The following ELAVL2 variants were observed in gnomAD, a reference collection of about 807,000 sequenced individuals.
ELAVL2 encodes ELAV like RNA binding protein 2.
In ELAVL2, 4 loss-of-function variants were observed where a neutral mutation model predicts 34.6. The ratio of observed to expected loss-of-function variants is 0.12; its 90% CI spans 0.06 to 0.26. The LOEUF is 0.26. Among genes scored for constraint, ELAVL2 ranks in the 10% least tolerant of loss-of-function variants. The pLI is 1.00. For missense variants in ELAVL2, 432 were observed against 442.8 expected, an observed-to-expected ratio of 0.98 and a Z score of 0.22; for synonymous variants, 193 against 154.8, an observed-to-expected ratio of 1.25 and a Z score of -1.83.
At chr9:23,719,742 A>C (rs2043180037) in intron 3 of ELAVL2, among the ~76,000 whole-genome samples, 1 of 152,132 alleles carries the variant, frequency 6.6e-6, no homozygotes, top group African/African-American at 2.4e-5. Flanking sequence ...TCAAATATCA[A>C]GACACTGGGT....
chr9:23,797,098 T>C (rs2061022655), intron 1 of ELAVL2, among the ~76,000 whole-genome samples: 1 of 152,132 alleles, frequency 6.6e-6, no homozygotes, highest in South Asian at 2.1e-4. Flanking sequence ...ATTTGTACAA[T>C]AGCTACCATC....
intron 1 of ELAVL2, among the ~76,000 whole-genome samples, chr9:23,822,689 T>A (rs893176548): frequency 1.3e-5 from 2 of 152,080 alleles, no homozygotes; most frequent in Admixed American, 6.5e-5. Context: ...GTAGTTGGGA[T>A]TTTTTTCATT....
At chr9:23,842,548 T>G in the ELAVL2 span, among the ~76,000 whole-genome samples, 5 of 152,110 alleles carry the variant, frequency 3.3e-5, no homozygotes, top group Non-Finnish European at 7.4e-5. Context: ...TTTTAGAATT[T>G]ATCAATATAT....
chr9:23,783,441 T>C (rs772774915), intron 1 of ELAVL2: 6 of 985,332 alleles, frequency 6.1e-6, no homozygotes, highest in Non-Finnish European at 6.0e-6. Context: ...GGTACAATTC[T>C]GCACAACTAC....
At chr9:23,724,425 A>C (rs537616812) in intron 3 of ELAVL2, among the ~76,000 whole-genome samples, 9 of 151,604 alleles carry the variant, frequency 5.9e-5, no homozygotes, top group African/African-American at 2.0e-4. Context: ...GAAGTAACAC[A>C]AGAGGCCTGA....
chr9:23,841,453 C>T, the ELAVL2 span, among the ~76,000 whole-genome samples: 1 of 152,118 alleles, frequency 6.6e-6, no homozygotes, highest in African/African-American at 2.4e-5. Flanking sequence ...GAGAAACTCT[C>T]TCTCTAGGTT....
intron 3 of ELAVL2, among the ~76,000 whole-genome samples, chr9:23,710,634 T>C (rs1304831461): frequency 1.3e-5 from 2 of 152,210 alleles, no homozygotes; most frequent in Non-Finnish European, 2.9e-5. Context: ...AATTAGACAC[T>C]TGCCACTTTA....
intron 1 of ELAVL2, among the ~76,000 whole-genome samples, chr9:23,764,157 G>A (rs2055694337): frequency 6.6e-6 from 1 of 152,090 alleles, no homozygotes; most frequent in Admixed American, 6.6e-5. Flanking sequence ...GAAACAATGA[G>A]CTACAAGATT....
intron 3 of ELAVL2, among the ~76,000 whole-genome samples, chr9:23,728,000 G>A (rs955503612): frequency 1.3e-5 from 2 of 152,036 alleles, no homozygotes; most frequent in African/African-American, 2.4e-5. Context: ...CCAATCTTCT[G>A]TACCTTTCTA....
intron 2 of ELAVL2, among the ~76,000 whole-genome samples, chr9:23,746,390 T>C (rs2050486603): frequency 6.6e-6 from 1 of 152,160 alleles, no homozygotes; most frequent in African/African-American, 2.4e-5. Flanking sequence ...TTCTAGATTG[T>C]ACACTGACTC....
chr9:23,713,963 T>C (rs972633317), intron 3 of ELAVL2, among the ~76,000 whole-genome samples: 1 of 152,326 alleles, frequency 6.6e-6, no homozygotes, highest in Admixed American at 6.5e-5. Context: ...TATTTGTAAT[T>C]TGATGTTAAT....
chr9:23,711,735 T>C (rs1456156288), intron 3 of ELAVL2, among the ~76,000 whole-genome samples: 1 of 152,292 alleles, frequency 6.6e-6, no homozygotes, highest in Non-Finnish European at 1.5e-5. Flanking sequence ...CAAAATGTAC[T>C]TATCTCTTAA....
chr9:23,791,926 C>T (rs1310473908), intron 1 of ELAVL2, among the ~76,000 whole-genome samples: 1 of 152,216 alleles, frequency 6.6e-6, no homozygotes, highest in Non-Finnish European at 1.5e-5. Context: ...TCTCAGTTGT[C>T]TTTTCCTCTC....
At chr9:23,799,694 C>A (rs2061360849) in intron 1 of ELAVL2, among the ~76,000 whole-genome samples, 1 of 152,178 alleles carries the variant, frequency 6.6e-6, no homozygotes, top group Non-Finnish European at 1.5e-5. Context: ...CTATTGAGAG[C>A]CCCTAATTGC....
At chr9:23,846,876 T>G in the ELAVL2 span, among the ~76,000 whole-genome samples, 2 of 152,066 alleles carry the variant, frequency 1.3e-5, no homozygotes, top group Non-Finnish European at 2.9e-5. Flanking sequence ...ATCTAGTATC[T>G]TTCTATTATT....
At chr9:23,764,792 A>G (rs1215321340) in intron 1 of ELAVL2, among the ~76,000 whole-genome samples, 1 of 152,130 alleles carries the variant, frequency 6.6e-6, no homozygotes, top group East Asian at 1.9e-4. Flanking sequence ...AGATTGTAAA[A>G]AAATTACATA....
chr9:23,803,312 C>A (rs1379361518), intron 1 of ELAVL2, among the ~76,000 whole-genome samples: 1 of 152,172 alleles, frequency 6.6e-6, no homozygotes, highest in Non-Finnish European at 1.5e-5. Flanking sequence ...AGAAAAGATG[C>A]TTTATAAAGC....
chr9:23,782,395 CAAAAAATTAAAAATACA>C (rs1427832716), intron 1 of ELAVL2, among the ~76,000 whole-genome samples: 1 of 151,110 alleles, frequency 6.6e-6, no homozygotes, highest in East Asian at 2.0e-4. Flanking sequence ...ATTAAAAATA[CAAAAAATTAAAAATACA>C]AAAAAAAAAA....
chr9:23,821,677 C>T (rs1206007332), intron 1 of ELAVL2: 1 of 152,602 alleles, frequency 6.6e-6, no homozygotes, highest in Non-Finnish European at 1.5e-5. Flanking sequence ...AGGAGTCGCT[C>T]GGGGCGAGCT....
Sources: gnomAD v4.1 joint callset for allele counts (sites outside exome capture counted in the v4.1 genomes callset) on GRCh38, gnomAD v4.1.1 for gene constraint, MANE v1.5 for transcripts, NCBI Gene and HGNC (gene_info 2026-07-23, HGNC 2026-07-21) for gene names.